Variants in APCDD1 observed in about 807,000 individuals in gnomAD.
APCDD1 encodes the protein APC down-regulated 1.
Under a neutral mutation model 38.1 loss-of-function variants are expected in APCDD1, and 15 were observed. The ratio of observed to expected loss-of-function variants is 0.39; its 90% CI spans 0.26 to 0.61. APCDD1 has a LOEUF of 0.61. Ranked by LOEUF, APCDD1 falls within the 20% of genes least tolerant of loss-of-function variation. The probability of loss-of-function intolerance (pLI) is 0.49; values close to 1 mark genes in which losing one functional copy is unlikely to be tolerated. For missense variants in APCDD1, 647 were observed against 696.2 expected (o/e 0.93, Z 0.79); for synonymous variants, 261 against 279.7 (o/e 0.93, Z 0.67).
At chr18:10,466,705 G>A (rs1282844014) in intron 1 of APCDD1, among the ~76,000 whole-genome samples, 1 of 152,166 alleles carries the variant, frequency 6.6e-6, no homozygotes, top group Non-Finnish European at 1.5e-5. Context: ...GGAACTTGAG[G>A]CCTCAGGAAA....
chr18:10,458,149 G>C (rs1028212872), intron 1 of APCDD1, among the ~76,000 whole-genome samples: 34 of 152,284 alleles, frequency 2.2e-4, no homozygotes, highest in African/African-American at 7.9e-4. Context: ...CTGTAATGCC[G>C]CAGTGGAGTG....
rs960191646 is a variant in APCDD1, at chr18:10,454,671, C to T, written c.-311C>T. The stretch of plus-strand genomic sequence containing the variant: ...GCAGCTGCGGTGGCGGTGGCGGCCA[C>T]TGCAGCTCAGAGCGGCGCACGCGGC... On this transcript the variant is annotated 5_prime_UTR_variant, in exon 1 of 5. Transcript: ENST00000355285. The T allele has an allele frequency of 2.0e-6, 2 of 1,010,452 alleles. No homozygotes were observed. Among genetic ancestry groups the T allele is most frequent in the Non-Finnish European group, 2.4e-6 (2 of 848,358 alleles). The allele number at this position is 1,010,452 out of a possible 1,614,324, so 62.6% of individuals were successfully genotyped here. A position where few individuals can be genotyped will look rare whatever the true frequency, so the allele number is the denominator to read the frequency against.
chr18:10,486,705 T>C (rs546917407), intron 4 of APCDD1, among the ~76,000 whole-genome samples: 140 of 152,316 alleles, frequency 9.2e-4, no homozygotes, highest in African/African-American at 3.3e-3. Context: ...TGCTTTTTTT[T>C]TCCCCCTAAG....
chr18:10,455,270 C>T (rs929687147), intron 1 of APCDD1, among the ~76,000 whole-genome samples: 1 of 152,198 alleles, frequency 6.6e-6, no homozygotes, highest in African/African-American at 2.4e-5. Flanking sequence ...CTCTTTGCTG[C>T]GGGACTGTTC....
Position 10,472,187 on chromosome 18 carries a change from G to A in APCDD1, c.774+126G>A. The A allele has an allele frequency of 7.4e-7, 1 of 1,356,852 alleles. No individual in the cohort carries two copies. The highest frequency in any genetic ancestry group is 1.0e-6 in the Non-Finnish European group (1 of 968,044). 84.1% of individuals were successfully genotyped at this position (1,356,852 alleles called of 1,614,324 possible). A position where few individuals can be genotyped will look rare whatever the true frequency, so the allele number is the denominator to read the frequency against. On this transcript the variant is annotated intron_variant, in intron 3 of 4. Coordinates refer to ENST00000355285, the MANE Select transcript of APCDD1 (RefSeq NM_153000.5). The surrounding 1 kb of genome is among the most constrained non-coding windows in gnomAD (Gnocchi z 6.6). ...TCTGCATCATGGCGGGGCAGGCCAA[G>A]GTGGGGCTGCTGCGAGGTGGGAGGA...
chr18:10,458,859 G>A (rs966391054), intron 1 of APCDD1, among the ~76,000 whole-genome samples: 7 of 152,242 alleles, frequency 4.6e-5, no homozygotes, highest in East Asian at 1.9e-4. Context: ...TGAAGTGATC[G>A]CAGGGAAAAC....
Position 10,454,639 on chromosome 18 carries a change from A to C in APCDD1, c.-343A>C. 9.4e-7 allele frequency: 1 copy of C among 1,061,550 alleles called. No homozygotes were observed. The allele number at this position is 1,061,550 out of a possible 1,614,324, so 65.8% of individuals were successfully genotyped here. A position where few individuals can be genotyped will look rare whatever the true frequency, so the allele number is the denominator to read the frequency against. On this transcript the variant is annotated 5_prime_UTR_variant, in exon 1 of 5. Transcript: ENST00000355285. The stretch of plus-strand genomic sequence containing the variant: ...CCGGCGGCGCGCTGGAAATATGAAG[A>C]GACGCTGCAGCTGCGGTGGCGGTGG...
chr18:10,466,608 CAT>C (rs1202998359), intron 1 of APCDD1, among the ~76,000 whole-genome samples: 1 of 152,146 alleles, frequency 6.6e-6, no homozygotes, highest in Non-Finnish European at 1.5e-5. Context: ...TTCCATAACT[CAT>C]GTGACTTCAC....
intron 1 of APCDD1, 23 bp from the exon 2 acceptor site, chr18:10,468,446 A>T (rs1397901898): frequency 1.2e-6 from 2 of 1,613,930 alleles, no homozygotes; most frequent in Non-Finnish European, 1.7e-6. Context: ...TCTTTTGGCT[A>T]ACTTTCCACC....
chr18:10,482,034 C>G (rs2143557203), intron 3 of APCDD1, among the ~76,000 whole-genome samples: 1 of 152,172 alleles, frequency 6.6e-6, no homozygotes, highest in Non-Finnish European at 1.5e-5. Context: ...GACAGCAGTG[C>G]CCCCTCCCCT....
chr18:10,456,563 T>C (rs1337630367), intron 1 of APCDD1, among the ~76,000 whole-genome samples: 5 of 152,216 alleles, frequency 3.3e-5, no homozygotes, highest in African/African-American at 1.2e-4. Flanking sequence ...TGAACAGCAT[T>C]TTTTGGGGTA....
chr18:10,487,680 G>GGGCATCCA lies in APCDD1; in HGVS notation c.1188_1189insGCATCCAG (p.Gln397AlafsTer11). ...AATGAGTGCGGGGCCGAGGGCTCCTGGCAGGTGGGCATCCAGCAGGATGTG... is the reference window on the plus strand; with the variant it reads ...AATGAGTGCGGGGCCGAGGGCTCCTGGGCATCCAGCAGGTGGGCATCCAGCAGGATGTG... On this transcript the variant is annotated frameshift_variant, in exon 5 of 5. Coordinates refer to ENST00000355285, the MANE Select transcript of APCDD1 (RefSeq NM_153000.5). LOFTEE classifies it high-confidence loss of function. The GGGCATCCA allele has an allele frequency of 6.2e-7, 1 of 1,614,200 alleles. No individual in the cohort carries two copies. Among genetic ancestry groups the GGGCATCCA allele is most frequent in the Non-Finnish European group, 8.5e-7 (1 of 1,180,054 alleles).
intron 1 of APCDD1, among the ~76,000 whole-genome samples, chr18:10,464,779 C>CT (rs1035193914): frequency 6.6e-6 from 1 of 152,186 alleles, no homozygotes; most frequent in African/African-American, 2.4e-5. Flanking sequence ...GAGCTTGGCA[C>CT]TTTGGGCCTC....
chr18:10,459,485 C>T (rs1269395281), intron 1 of APCDD1, among the ~76,000 whole-genome samples: 1 of 152,180 alleles, frequency 6.6e-6, no homozygotes, highest in Non-Finnish European at 1.5e-5. Context: ...TTGTTTTCAA[C>T]TAAAGTCAAG....
intron 1 of APCDD1, among the ~76,000 whole-genome samples, chr18:10,464,966 A>G (rs2030670978): frequency 6.6e-6 from 1 of 152,196 alleles, no homozygotes; most frequent in South Asian, 2.1e-4. Flanking sequence ...CCGTATCATT[A>G]TTTGAAATAA....
intron 3 of APCDD1, among the ~76,000 whole-genome samples, chr18:10,473,332 C>T (rs563400627): frequency 4.9e-4 from 74 of 152,272 alleles, no homozygotes; most frequent in African/African-American, 1.6e-3. Flanking sequence ...ATGGCTGTGT[C>T]CCCGCGTGTG....
Position 10,454,873 on chromosome 18 carries a change from G to T in APCDD1, c.-109G>T, listed in dbSNP as rs529111767. ...GCGCGCGGCAGCCGCCTGAAGCCCC[G>T]GCCTGGCCCGGCCGCACCCGGCCGG... On this transcript the variant is annotated 5_prime_UTR_variant, in exon 1 of 5. Coordinates refer to ENST00000355285, the MANE Select transcript of APCDD1 (RefSeq NM_153000.5). 6.8e-4 allele frequency: 832 copies of T among 1,220,844 alleles called. 6 individuals carry two copies. In the African/African-American group the frequency reaches 0.012, roughly 18 times the overall value. The allele number at this position is 1,220,844 out of a possible 1,614,324, so 75.6% of individuals were successfully genotyped here. A position where few individuals can be genotyped will look rare whatever the true frequency, so the allele number is the denominator to read the frequency against.
Position 10,476,239 on chromosome 18 carries a change from T to G in APCDD1, c.774+4178T>G. The G allele has an allele frequency of 6.6e-6, 1 of 152,256 alleles. No individual in the cohort carries two copies. Among genetic ancestry groups the G allele is most frequent in the East Asian group, 1.9e-4 (1 of 5,198 alleles). The allele number at this position is 152,256 out of a possible 1,614,324, so 9.4% of individuals were successfully genotyped here. On this transcript the variant is annotated intron_variant, in intron 3 of 4. Coordinates refer to ENST00000355285, the MANE Select transcript of APCDD1 (RefSeq NM_153000.5). This position sits in a 1 kb window ranked among gnomAD's most constrained non-coding sequence, Gnocchi z 5.8. Reference sequence around the variant, plus strand: ...TTCAAACCACGAGCCTCAGCCCCTCTAGAAACAGGACACCGTGTAAAAATA... The same window carrying G: ...TTCAAACCACGAGCCTCAGCCCCTCGAGAAACAGGACACCGTGTAAAAATA...
chr18:10,470,192 C>T lies in APCDD1; in HGVS notation c.243-1338C>T, dbSNP rs899502961. On this transcript the variant is annotated intron_variant, in intron 2 of 4. Coordinates refer to ENST00000355285, the MANE Select transcript of APCDD1 (RefSeq NM_153000.5). This position sits in a 1 kb window ranked among gnomAD's most constrained non-coding sequence, Gnocchi z 4.1. ...GTGAGTGGGCCTGAGATCCACTGTA[C>T]GTGGCAGGCAGAATCAACAGACTGT... 2.6e-5 allele frequency among the ~76,000 whole-genome samples: 4 copies of T among 152,138 alleles called. No homozygotes were observed. The highest frequency in any genetic ancestry group is 9.7e-5 in the African/African-American group (4 of 41,424).
Sources: allele counts gnomAD v4.1 joint callset (sites outside exome capture counted in the v4.1 genomes callset), GRCh38; gene constraint gnomAD v4.1.1; non-coding constraint Gnocchi (gnomAD v3.1); transcripts MANE v1.5; gene names NCBI Gene and HGNC (gene_info 2026-07-23, HGNC 2026-07-21).